DCC: variants seen among roughly 807,000 people sequenced by gnomAD.
The protein encoded by DCC is netrin receptor DCC.
In DCC, 58 loss-of-function variants were observed where a neutral mutation model predicts 172.5. The observed-to-expected ratio is 0.34, with a 90% CI of 0.27 to 0.42. The LOEUF (loss-of-function observed/expected upper bound fraction) is 0.42, where lower values mean the gene tolerates loss of function less well. Ranked by LOEUF, DCC falls within the 10% of genes least tolerant of loss-of-function variation. The probability of loss-of-function intolerance (pLI) is 1.00; values close to 1 mark genes in which losing one functional copy is unlikely to be tolerated. For missense variants in DCC, 1,740 were observed against 1,791.0 expected (o/e 0.97, Z 0.51); for synonymous variants, 709 against 644.5 (o/e 1.10, Z -1.52).
chr18:52,810,677 C>A (rs1286839003), intron 2 of DCC, among the ~76,000 whole-genome samples: 1 of 152,090 alleles, frequency 6.6e-6, no homozygotes, highest in African/African-American at 2.4e-5. Flanking sequence ...AGCAAAGATA[C>A]CACTCAAAGG....
At chr18:52,769,000 C>T (rs1275840584) in intron 2 of DCC, among the ~76,000 whole-genome samples, 4 of 149,698 alleles carry the variant, frequency 2.7e-5, no homozygotes, top group Admixed American at 2.0e-4. Context: ...TGTGGGTTGT[C>T]TAGGAAAAAA....
chr18:53,341,916 A>C (rs2057664349), intron 15 of DCC, among the ~76,000 whole-genome samples: 1 of 152,062 alleles, frequency 6.6e-6, no homozygotes, highest in African/African-American at 2.4e-5. Flanking sequence ...TAATTTTTAA[A>C]GTTTTTGGAA....
intron 2 of DCC, among the ~76,000 whole-genome samples, chr18:52,860,782 G>A (rs1028097521): frequency 3.3e-5 from 5 of 152,192 alleles, no homozygotes; most frequent in East Asian, 1.9e-4. Context: ...GGCAGATCAC[G>A]AGGTCAGGAG....
chr18:52,513,949 C>T (rs1807775495), intron 1 of DCC, among the ~76,000 whole-genome samples: 1 of 152,162 alleles, frequency 6.6e-6, no homozygotes, highest in Non-Finnish European at 1.5e-5. Context: ...CCTTCACAGT[C>T]TATAGGTATC....
rs3061298 is a variant in DCC, at chr18:53,465,751, T to TTTTATTTA, written c.3620-2122_3620-2115dup. Among the ~76,000 whole-genome samples, 791 of 151,416 alleles carry TTTTATTTA rather than the reference T, an allele frequency of 5.2e-3. 4 individuals carry two copies. Among genetic ancestry groups the TTTTATTTA allele is most frequent in the African/African-American group, 0.018 (738 of 41,040 alleles). On this transcript the variant is annotated intron_variant, in intron 24 of 28. Transcript: ENST00000442544. Reference sequence around the variant, plus strand: ...CCCAAAATTGATGCTTTTCTATTCTTTTTATTTATTTATTTATTTATTTAT... The same window carrying TTTTATTTA: ...CCCAAAATTGATGCTTTTCTATTCTTTTTATTTATTTATTTATTTATTTATTTATTTAT...
At chr18:53,025,795 T>TACACACACACACACACACACAC (rs34351949) in intron 5 of DCC, among the ~76,000 whole-genome samples, 2 of 141,510 alleles carry the variant, frequency 1.4e-5, no homozygotes, top group Non-Finnish European at 3.1e-5. Context: ...AAAACTATGA[T>TACACACACACACACACACACAC]ACACACACAC....
intron 13 of DCC, among the ~76,000 whole-genome samples, chr18:53,317,710 C>T (rs547098089): frequency 2.6e-5 from 4 of 151,816 alleles, no homozygotes; most frequent in South Asian, 2.1e-4. Flanking sequence ...TTGCAGCGGG[C>T]AGGGGGCATA....
intron 1 of DCC, among the ~76,000 whole-genome samples, chr18:52,502,643 T>C (rs2031071537): frequency 6.6e-6 from 1 of 152,192 alleles, no homozygotes; most frequent in Admixed American, 6.6e-5. Flanking sequence ...GGGTTGCAAA[T>C]AGCCAATCCA....
intron 12 of DCC, among the ~76,000 whole-genome samples, chr18:53,261,842 C>A (rs2144684714): frequency 6.6e-6 from 1 of 152,194 alleles, no homozygotes; most frequent in East Asian, 1.9e-4. Flanking sequence ...GATGGTATCA[C>A]CCCCAATTAG....
chr18:53,289,140 A>C (rs779609060), intron 12 of DCC, among the ~76,000 whole-genome samples: 1 of 136,192 alleles, frequency 7.3e-6, no homozygotes, highest in Non-Finnish European at 1.6e-5. Flanking sequence ...TTTAGTGGTA[A>C]GAATATCTGC....
chr18:53,076,690 C>G (rs939611492), intron 7 of DCC, among the ~76,000 whole-genome samples: 2 of 152,108 alleles, frequency 1.3e-5, no homozygotes, highest in African/African-American at 2.4e-5. Flanking sequence ...GAAAAGCAAC[C>G]CATTTCCAGA....
intron 9 of DCC, among the ~76,000 whole-genome samples, chr18:53,184,490 T>C (rs1470917000): frequency 6.6e-6 from 1 of 152,138 alleles, no homozygotes; most frequent in African/African-American, 2.4e-5. Flanking sequence ...CTAGGCTATA[T>C]GGTATAGTCT....
intron 1 of DCC, among the ~76,000 whole-genome samples, chr18:52,482,666 C>G (rs1395682060): frequency 1.3e-5 from 2 of 152,140 alleles, no homozygotes; most frequent in Non-Finnish European, 2.9e-5. Context: ...CTCAAAAGCT[C>G]TACCTCTTAA....
At chr18:52,911,078 A>G (rs1210470896) in intron 3 of DCC, among the ~76,000 whole-genome samples, 1 of 152,130 alleles carries the variant, frequency 6.6e-6, no homozygotes, top group Non-Finnish European at 1.5e-5. Context: ...ACATTTCAAA[A>G]CTAATCTATT....
intron 12 of DCC, among the ~76,000 whole-genome samples, chr18:53,278,819 T>C (rs2056835338): frequency 6.6e-6 from 1 of 152,112 alleles, no homozygotes; most frequent in South Asian, 2.1e-4. Flanking sequence ...GTTACTCCCA[T>C]TGTGTGGCAA....
intron 1 of DCC, among the ~76,000 whole-genome samples, chr18:52,683,380 G>C (rs767130513): frequency 6.6e-6 from 1 of 152,126 alleles, no homozygotes; most frequent in Non-Finnish European, 1.5e-5. Context: ...TACCAGGCTA[G>C]AGAACATGGA....
At chr18:52,732,603 A>T (rs903158673) in intron 1 of DCC, among the ~76,000 whole-genome samples, 1 of 152,296 alleles carries the variant, frequency 6.6e-6, no homozygotes, top group South Asian at 2.1e-4. Flanking sequence ...CATAAAGCTA[A>T]AAATAGTTAA....
chr18:52,852,132 T>C (rs1437004121), intron 2 of DCC, among the ~76,000 whole-genome samples: 1 of 152,160 alleles, frequency 6.6e-6, no homozygotes, highest in Non-Finnish European at 1.5e-5. Context: ...AAAATAAATT[T>C]TGGTAACATC....
intron 21 of DCC, among the ~76,000 whole-genome samples, chr18:53,428,865 T>C (rs1330682977): frequency 1.0e-3 from 50 of 48,962 alleles, no homozygotes; most frequent in Admixed American, 3.5e-3. Context: ...ATATATTATA[T>C]ATTTTATATA....
Sources: allele counts gnomAD v4.1 joint callset (sites outside exome capture counted in the v4.1 genomes callset), GRCh38; gene constraint gnomAD v4.1.1; transcripts MANE v1.5; gene names NCBI Gene and HGNC (gene_info 2026-07-23, HGNC 2026-07-21).